SMAD4: variants seen among roughly 807,000 people sequenced by gnomAD.
The protein encoded by SMAD4 is SMAD family member 4.
In SMAD4, 7 loss-of-function variants were observed where a neutral mutation model predicts 63.2. That is an observed-to-expected ratio of 0.11 (90% CI 0.06 to 0.21). SMAD4 has a LOEUF of 0.21. SMAD4 is among the 10% of genes least tolerant of loss of function. The pLI is 1.00. For missense variants in SMAD4, 312 were observed against 693.8 expected (o/e 0.45, Z 6.18); for synonymous variants, 215 against 235.4 (o/e 0.91, Z 0.79).
chr18:51,058,019 C>T, intron 5 of SMAD4, 106 bp from the exon 6 acceptor site: 1 of 1,369,644 alleles, frequency 7.3e-7, no homozygotes. Context: ...TTTTGCCCAT[C>T]TTTATAGTTG....
Position 51,066,424 on chromosome 18 carries a change from A to G in SMAD4, c.1140-595A>G, listed in dbSNP as rs1599196412. On this transcript the variant is annotated intron_variant, in intron 9 of 11. Coordinates refer to ENST00000342988, the MANE Select transcript of SMAD4 (RefSeq NM_005359.6). ...ATTACAGGAACATTCCATTTTAGCT[A>G]CTGTATGATCTCGGCTTTTAAGGAT... Among the ~76,000 whole-genome samples, 3 of 152,092 alleles carry G rather than the reference A, an allele frequency of 2.0e-5. No homozygotes were observed. In the East Asian group the frequency reaches 5.8e-4, roughly 29 times the overall value.
chr18:51,074,245 G>T (rs182143225), intron 10 of SMAD4, among the ~76,000 whole-genome samples: 58 of 151,788 alleles, frequency 3.8e-4, no homozygotes, highest in African/African-American at 1.2e-3. Context: ...GCCAGGCATG[G>T]TGGCATGTGC....
chr18:51,060,147 A>G (rs1486376436), intron 8 of SMAD4, among the ~76,000 whole-genome samples: 3 of 152,228 alleles, frequency 2.0e-5, no homozygotes, highest in Non-Finnish European at 4.4e-5. Context: ...TTCAGCTAAA[A>G]TGAGAATTAC....
chr18:51,072,174 G>A (rs545968588), intron 10 of SMAD4, among the ~76,000 whole-genome samples: 1 of 152,206 alleles, frequency 6.6e-6, no homozygotes, highest in Non-Finnish European at 1.5e-5. Context: ...CTGATAGACT[G>A]TTTTACAAAA....
chr18:51,061,249 A>G (rs1414383260), intron 8 of SMAD4, among the ~76,000 whole-genome samples: 3 of 152,126 alleles, frequency 2.0e-5, no homozygotes, highest in Non-Finnish European at 4.4e-5. Flanking sequence ...AAAGTGTACA[A>G]TTAAATTATT....
chr18:51,073,020 T>C (rs1910357936), intron 10 of SMAD4, among the ~76,000 whole-genome samples: 1 of 152,068 alleles, frequency 6.6e-6, no homozygotes, highest in African/African-American at 2.4e-5. Flanking sequence ...AACTGAATAA[T>C]TTTAGGTCTT....
At chr18:51,048,978 T>C in intron 3 of SMAD4, 118 bp downstream of exon 3, 1 of 872,068 alleles carries the variant, frequency 1.1e-6, no homozygotes, top group South Asian at 1.5e-5. Context: ...TAAATAAGGT[T>C]AAAGAATCAG....
intron 8 of SMAD4, 126 bp downstream of exon 8, chr18:51,060,042 T>C (rs1357374665): frequency 2.7e-6 from 2 of 743,710 alleles, no homozygotes; most frequent in Non-Finnish European, 4.9e-6. Flanking sequence ...CATCATGACA[T>C]GAGTTAATCA....
chr18:51,033,017 T>G (rs1432175369), intron 1 of SMAD4, among the ~76,000 whole-genome samples: 2 of 152,098 alleles, frequency 1.3e-5, no homozygotes, highest in Non-Finnish European at 2.9e-5. Flanking sequence ...TTTCTCTTAT[T>G]TTGTTGAACT....
chr18:51,075,772 C>T (rs184994298), intron 10 of SMAD4, among the ~76,000 whole-genome samples: 177 of 152,222 alleles, frequency 1.2e-3, no homozygotes, highest in African/African-American at 3.7e-3. Context: ...TATTTATTAA[C>T]GCCTTAACTC....
Position 51,080,879 on chromosome 18 carries a change from T to C in SMAD4, c.*2412T>C. ...TTCTACTTTAAGGAAAGTTTTCATGTTTAATCATCTGGGGAAAGTATGTGA... is the reference window on the plus strand; with the variant it reads ...TTCTACTTTAAGGAAAGTTTTCATGCTTAATCATCTGGGGAAAGTATGTGA... On this transcript the variant is annotated 3_prime_UTR_variant, in exon 12 of 12. Coordinates refer to ENST00000342988, the MANE Select transcript of SMAD4 (RefSeq NM_005359.6). 1 of 182,988 alleles carries C rather than the reference T, an allele frequency of 5.5e-6. No individual in the cohort carries two copies. Among genetic ancestry groups the C allele is most frequent in the Non-Finnish European group, 1.2e-5 (1 of 85,976 alleles). 11.3% of individuals were successfully genotyped at this position (182,988 alleles called of 1,614,324 possible).
rs560530967 is a variant in SMAD4, at chr18:51,034,309, C to T, written c.-128+3686C>T. ...TCACCCAGGCTAGAGTGCAATGGTA[C>T]GATTTCGGCTCACTGCAACCTCCAC... On this transcript the variant is annotated intron_variant, in intron 1 of 11. Transcript: ENST00000342988. Among the ~76,000 whole-genome samples, 298 of 148,956 alleles carry T rather than the reference C, an allele frequency of 2.0e-3. 4 individuals carry two copies. Among genetic ancestry groups the T allele is most frequent in the African/African-American group, 7.2e-3 (292 of 40,606 alleles).
At chr18:51,065,219 A>G (rs1323701673) in intron 8 of SMAD4, among the ~76,000 whole-genome samples, 1 of 152,194 alleles carries the variant, frequency 6.6e-6, no homozygotes, top group African/African-American at 2.4e-5. Flanking sequence ...GAACAGTGCT[A>G]AGTACTGAGC....
chr18:51,073,404 CA>C (rs1568210386), intron 10 of SMAD4, among the ~76,000 whole-genome samples: 2 of 134,062 alleles, frequency 1.5e-5, no homozygotes, highest in African/African-American at 5.5e-5. Context: ...CACACACACA[CA>C]CACACACACA....
Position 51,047,100 on chromosome 18 carries a change from C to T in SMAD4, c.54C>T (p.Ser18=), listed in dbSNP as rs1599181066. Residue 18 remains serine (S), a synonymous_variant, in exon 2 of 12, where the codon AGC becomes AGT. Transcript: ENST00000342988. ...CAACAAGTAATGATGCCTGTCTGAG[C>T]ATTGTGCATAGTTTGATGTGCCATA... ...NTPTSNDACL[S]IVHSLMCHRQ... The T allele has an allele frequency of 6.2e-7, 1 of 1,613,270 alleles. No homozygotes were observed. The highest frequency in any genetic ancestry group is 1.1e-5 in the South Asian group (1 of 91,060).
chr18:51,030,806 T>A (rs1390046819), intron 1 of SMAD4, among the ~76,000 whole-genome samples, 183 bp downstream of exon 1: 1 of 151,300 alleles, frequency 6.6e-6, no homozygotes, highest in African/African-American at 2.4e-5. Flanking sequence ...GCCGGCTGAA[T>A]GCCGGGCGGC....
intron 4 of SMAD4, chr18:51,053,884 A>G (rs1232995457): frequency 1.3e-5 from 2 of 152,186 alleles, no homozygotes; most frequent in East Asian, 3.8e-4. Flanking sequence ...GTTTAGAAGC[A>G]ATAAAGGATT....
rs1568206868 is a variant in SMAD4 at position 51,060,986 on chromosome 18, GT to G, written c.955+1071del. Among the ~76,000 whole-genome samples the G allele has an allele frequency of 2.7e-3, 414 of 152,056 alleles. 3 individuals are homozygous for G. The highest frequency in any genetic ancestry group is 6.9e-3 in the African/African-American group (285 of 41,442). On this transcript the variant is annotated intron_variant, in intron 8 of 11. Coordinates refer to ENST00000342988, the MANE Select transcript of SMAD4 (RefSeq NM_005359.6). ...ACTCCTAGCCTCAAGTGATCCTCCT[GT>G]CTTAGCCTCCCAAAGTGCTGGGATT...
intron 5 of SMAD4, among the ~76,000 whole-genome samples, chr18:51,056,911 A>AT (rs554733501): frequency 1.6e-4 from 24 of 152,262 alleles, no homozygotes; most frequent in African/African-American, 4.8e-4. Context: ...GTTAATGACA[A>AT]TTTTTGTAAG....
Sources: gnomAD v4.1 joint callset for allele counts (sites outside exome capture counted in the v4.1 genomes callset) on GRCh38, gnomAD v4.1.1 for gene constraint, MANE v1.5 for transcripts, NCBI Gene and HGNC (gene_info 2026-07-23, HGNC 2026-07-21) for gene names.